CPSF4L: variants seen among roughly 807,000 people sequenced by gnomAD.
CPSF4L encodes the protein putative cleavage and polyadenylation specificity factor subunit 4-like protein.
In CPSF4L, 18 loss-of-function variants were observed where a neutral mutation model predicts 24.0. The ratio of observed to expected loss-of-function variants is 0.75; its 90% CI spans 0.52 to 1.11. The LOEUF (loss-of-function observed/expected upper bound fraction) is 1.11, where lower values mean the gene tolerates loss of function less well. Among genes scored for constraint, CPSF4L ranks in the 50% least tolerant of loss-of-function variants. The pLI, the probability that CPSF4L is intolerant of heterozygous loss-of-function variation, is 0.00. For synonymous variants in CPSF4L, 72 were observed against 77.2 expected (o/e 0.93, Z 0.35); for missense variants, 211 against 221.8 (o/e 0.95, Z 0.31).
chr17:73,252,674 A>G lies in CPSF4L; in HGVS notation c.453T>C (p.Tyr151=). Reference sequence around the variant, plus strand: ...GTCCCTCGGGGCAGAAGCCAACTAAATAGTTGAGACACATTATTCTGGGGA... The same window carrying G: ...GTCCCTCGGGGCAGAAGCCAACTAAGTAGTTGAGACACATTATTCTGGGGA... ...RHVPRIMCLN[Y]LVGFCPEGPK... The change falls in exon 5 of 6, where the codon TAT becomes TAC. Residue 151 remains tyrosine, a synonymous_variant. Transcript: ENST00000344935. 1.3e-6 allele frequency: 2 copies of G among 1,551,624 alleles called. No individual in the cohort carries two copies. The highest frequency in any genetic ancestry group is 1.7e-6 in the Non-Finnish European group (2 of 1,146,942).
At chr17:73,252,500 A>G in intron 5 of CPSF4L, 130 bp downstream of exon 5, 1 of 676,074 alleles carries the variant, frequency 1.5e-6, no homozygotes, top group Admixed American at 2.4e-5. Flanking sequence ...GTGCCAGGAA[A>G]ATACTGGAGC....
intron 4 of CPSF4L, 59 bp from the exon 5 acceptor site, chr17:73,252,782 C>T (rs2062010776): frequency 1.4e-5 from 16 of 1,181,304 alleles, no homozygotes; most frequent in Non-Finnish European, 1.9e-5. Context: ...GGAAAACACA[C>T]ATGAAAAAGC....
chr17:73,252,605 T>C (rs903363454), intron 5 of CPSF4L, 25 bp downstream of exon 5: 1 of 1,414,154 alleles, frequency 7.1e-7, no homozygotes, highest in African/African-American at 1.4e-5. Flanking sequence ...CTGGTGGGAG[T>C]TGGTAACTGA....
intron 5 of CPSF4L, among the ~76,000 whole-genome samples, chr17:73,251,366 G>C (rs984655512): frequency 6.6e-6 from 1 of 152,122 alleles, no homozygotes; most frequent in Non-Finnish European, 1.5e-5. Flanking sequence ...AGCAGGGACT[G>C]TCTTCCTCCC....
At chr17:73,261,262 C>T (rs1362320387) in intron 1 of CPSF4L, among the ~76,000 whole-genome samples, 2 of 152,256 alleles carry the variant, frequency 1.3e-5, no homozygotes, top group East Asian at 3.8e-4. Context: ...CTCTCTGTGC[C>T]TCTCTTTCTC....
intron 3 of CPSF4L, among the ~76,000 whole-genome samples, chr17:73,255,515 GAAA>G (rs56896799): frequency 1.9e-4 from 22 of 117,768 alleles, no homozygotes; most frequent in African/African-American, 5.9e-4. Flanking sequence ...TCCAAAAAAA[GAAA>G]AAAAAAAAAA....
chr17:73,249,287 G>A (rs72849284), intron 5 of CPSF4L, among the ~76,000 whole-genome samples: 4,270 of 152,306 alleles, frequency 0.028, 76 homozygotes, highest in Non-Finnish European at 0.043. Context: ...TCTGGGGCTT[G>A]CTTTGTGCCG....
At chr17:73,247,293 T>C (rs1568328141), downstream of CPSF4L, 4 of 1,613,994 alleles carry the variant, frequency 2.5e-6, no homozygotes, top group Non-Finnish European at 3.4e-6. Context: ...CATGCATTGG[T>C]GTGGCGAAGA....
chr17:73,261,626 A>G (rs1015318031), intron 1 of CPSF4L, 90 bp downstream of exon 1: 15 of 890,258 alleles, frequency 1.7e-5, no homozygotes, highest in South Asian at 1.0e-4. Flanking sequence ...GTGCCACTAC[A>G]CTCCAGCCTG....
intron 5 of CPSF4L, chr17:73,251,121 G>T: frequency 1.3e-6 from 2 of 1,530,742 alleles, no homozygotes; most frequent in Non-Finnish European, 1.8e-6. Context: ...AAGTGCAGTC[G>T]TGAGAAAACA....
At chr17:73,251,773 T>C (rs925936044) in intron 5 of CPSF4L, among the ~76,000 whole-genome samples, 1 of 152,246 alleles carries the variant, frequency 6.6e-6, no homozygotes, top group African/African-American at 2.4e-5. Context: ...GGCTGTAGTT[T>C]ACCAACCCCT....
intron 4 of CPSF4L, among the ~76,000 whole-genome samples, chr17:73,253,457 CAAAGG>C (rs1267436660): frequency 6.6e-6 from 1 of 152,196 alleles, no homozygotes; most frequent in Non-Finnish European, 1.5e-5. Flanking sequence ...TATCTGAAGA[CAAAGG>C]AGAGGGAGAA....
At chr17:73,251,357 G>T (rs2062005420) in intron 5 of CPSF4L, among the ~76,000 whole-genome samples, 1 of 152,098 alleles carries the variant, frequency 6.6e-6, no homozygotes, top group Non-Finnish European at 1.5e-5. Flanking sequence ...CTCAGAACCA[G>T]CAGGGACTGT....
chr17:73,259,944 A>G (rs1482767513), intron 2 of CPSF4L, among the ~76,000 whole-genome samples: 1 of 152,196 alleles, frequency 6.6e-6, no homozygotes, highest in Non-Finnish European at 1.5e-5. Flanking sequence ...GCAATTGTAT[A>G]TTTCTGTTGA....
At position 73,261,755 on chromosome 17, in the gene CPSF4L, GCATCTCGA is replaced by G; in HGVS notation, c.56_63del (p.Val19AlafsTer25). 2 of 1,551,760 alleles carry G rather than the reference GCATCTCGA, an allele frequency of 1.3e-6. No homozygotes were observed. Among genetic ancestry groups the G allele is most frequent in the Non-Finnish European group, 1.7e-6 (2 of 1,146,950 alleles). On this transcript the variant is annotated frameshift_variant, in exon 1 of 6. Coordinates refer to ENST00000344935, the MANE Select transcript of CPSF4L (RefSeq NM_001129885.1). LOFTEE classifies it high-confidence loss of function. ...AAAGGCAGGAGCCCAGTGCCCTTCTGCATCTCGACATCCTTCTCGAAGGCAAAGGTGAA... is the reference window on the plus strand; with the variant it reads ...AAAGGCAGGAGCCCAGTGCCCTTCTGCATCCTTCTCGAAGGCAAAGGTGAA...
intron 2 of CPSF4L, 23 bp downstream of exon 2, chr17:73,260,910 C>T: frequency 1.3e-6 from 2 of 1,547,946 alleles, no homozygotes; most frequent in Non-Finnish European, 1.7e-6. Context: ...CAGCTTGGGG[C>T]CCAGGCCTGT....
At chr17:73,256,400 C>A (rs560471548) in intron 3 of CPSF4L, among the ~76,000 whole-genome samples, 1 of 152,344 alleles carries the variant, frequency 6.6e-6, no homozygotes, top group East Asian at 1.9e-4. Context: ...GCTTTGCCTC[C>A]TTCTCAGGTA....
downstream of CPSF4L, among the ~76,000 whole-genome samples, chr17:73,247,012 G>A (rs73357001): frequency 0.013 from 1,953 of 152,126 alleles, 38 homozygotes; most frequent in African/African-American, 0.045. Flanking sequence ...CCTCTTTCCC[G>A]GTCCCCCAGT....
At chr17:73,250,248 A>G in intron 5 of CPSF4L, 1 of 1,549,896 alleles carries the variant, frequency 6.5e-7, no homozygotes, top group Non-Finnish European at 8.7e-7. Flanking sequence ...AGTTTTTAAT[A>G]ACTCCTATCA....
Sources: gnomAD v4.1 joint callset for allele counts (sites outside exome capture counted in the v4.1 genomes callset) on GRCh38, gnomAD v4.1.1 for gene constraint, MANE v1.5 for transcripts, NCBI Gene and HGNC (gene_info 2026-07-23, HGNC 2026-07-21) for gene names.